Variants in GKAP1 observed in about 807,000 individuals in gnomAD.
GKAP1 encodes G kinase-anchoring protein 1.
A neutral mutation model predicts 56.7 loss-of-function variants in GKAP1; 31 were observed. That is an observed-to-expected ratio of 0.55 (90% CI 0.41 to 0.74). GKAP1 has a LOEUF of 0.74. GKAP1 is among the 30% of genes least tolerant of loss of function. The pLI is 0.00. For synonymous variants in GKAP1, 151 were observed against 138.6 expected, an observed-to-expected ratio of 1.09 and a Z score of -0.63; for missense variants, 364 against 402.3, an observed-to-expected ratio of 0.90 and a Z score of 0.82.
At chr9:83,741,655 C>T (rs1456189070) in intron 12 of GKAP1, among the ~76,000 whole-genome samples, 2 of 152,002 alleles carry the variant, frequency 1.3e-5, no homozygotes, top group South Asian at 2.1e-4. Context: ...AGTGATCAAC[C>T]TTATAAACAG....
chr9:83,756,174 T>C (rs1943471923), intron 8 of GKAP1, among the ~76,000 whole-genome samples: 1 of 151,986 alleles, frequency 6.6e-6, no homozygotes, highest in African/African-American at 2.4e-5. Context: ...AACTGAATTA[T>C]TTCATGTATA....
chr9:83,748,502 T>C, intron 9 of GKAP1, 130 bp from the exon 10 acceptor site: 1 of 525,604 alleles, frequency 1.9e-6, no homozygotes, highest in East Asian at 3.2e-5. Context: ...ACAAACAGGA[T>C]GGAGGAAAAT....
rs760560391 is a variant in GKAP1, at chr9:83,784,777, CTTTT to C, written c.496_499del (p.Lys166GlufsTer15). ...TCTGTCTTTTCCCTGATGATTCTTT[CTTTT>C]ATCTTTTTTATTCATAACTTTGGAC... On this transcript the variant is annotated frameshift_variant, in exon 6 of 13. Coordinates refer to ENST00000376371, the MANE Select transcript of GKAP1 (RefSeq NM_025211.4). LOFTEE classifies it high-confidence loss of function. 2 of 1,602,064 alleles carry C rather than the reference CTTTT, an allele frequency of 1.2e-6. No homozygotes were observed. Among genetic ancestry groups the C allele is most frequent in the African/African-American group, 1.3e-5 (1 of 74,510 alleles).
chr9:83,769,115 AAG>A, intron 7 of GKAP1, 145 bp from the exon 8 acceptor site: 1 of 594,162 alleles, frequency 1.7e-6, no homozygotes, highest in Non-Finnish European at 2.9e-6. Flanking sequence ...AATGACAGCT[AAG>A]AGACAATCAA....
intron 9 of GKAP1, among the ~76,000 whole-genome samples, chr9:83,750,806 C>G (rs1351593532): frequency 6.6e-6 from 1 of 151,986 alleles, no homozygotes; most frequent in Admixed American, 6.6e-5. Flanking sequence ...TGTCACTTAC[C>G]TTCTAAAGAT....
At chr9:83,749,109 A>C (rs1418077593) in intron 9 of GKAP1, 2 of 152,146 alleles carry the variant, frequency 1.3e-5, no homozygotes, top group Admixed American at 1.3e-4. Flanking sequence ...ACAAGTATAC[A>C]TTTATGAACA....
At chr9:83,765,012 C>A (rs1943638051) in intron 8 of GKAP1, among the ~76,000 whole-genome samples, 1 of 152,140 alleles carries the variant, frequency 6.6e-6, no homozygotes, top group South Asian at 2.1e-4. Flanking sequence ...GAAAATGTCT[C>A]CAAGGCATGT....
chr9:83,781,463 T>C (rs569165378), intron 6 of GKAP1, among the ~76,000 whole-genome samples: 1 of 152,344 alleles, frequency 6.6e-6, no homozygotes, highest in African/African-American at 2.4e-5. Context: ...AATTTTCTAT[T>C]CTCAAGGACT....
rs1943707876 is a variant in GKAP1 at position 83,768,843 on chromosome 9, T to A, written c.713A>T (p.Asn238Ile). The part of the protein sequence containing the change: ...EQLTEYNGTD[N>I]CTAHEHNQEV... ...CTGGTTGTGTTCATGAGCTGTACAA[T>A]TATCTGTTCCATTATATTCTGTAAG... is the stretch of plus-strand genomic sequence containing the variant. Residue 238 changes from asparagine to isoleucine, a missense_variant, in exon 8 of 13, where the codon AAT becomes ATT. Transcript: ENST00000376371. 1 of 1,612,406 alleles carries A rather than the reference T, an allele frequency of 6.2e-7. No individual in the cohort carries two copies. The highest frequency in any genetic ancestry group is 1.1e-5 in the South Asian group (1 of 90,978).
intron 10 of GKAP1, among the ~76,000 whole-genome samples, chr9:83,743,954 G>A (rs113423914): frequency 6.6e-5 from 10 of 152,276 alleles, no homozygotes; most frequent in African/African-American, 2.2e-4. Flanking sequence ...GGAGAGACTA[G>A]AGAGGTAAAA....
chr9:83,751,727 T>C (rs1943392901), intron 9 of GKAP1, among the ~76,000 whole-genome samples: 1 of 151,226 alleles, frequency 6.6e-6, no homozygotes, highest in South Asian at 2.1e-4. Context: ...AAAGGAATGA[T>C]ACTTGATATG....
chr9:83,747,777 C>A (rs890711792), intron 10 of GKAP1, among the ~76,000 whole-genome samples: 1 of 151,986 alleles, frequency 6.6e-6, no homozygotes, highest in African/African-American at 2.4e-5. Context: ...GCTGGGATTA[C>A]AGGTGTGCAC....
chr9:83,794,829 ATGTT>A (rs1944217391), intron 4 of GKAP1, among the ~76,000 whole-genome samples: 1 of 152,182 alleles, frequency 6.6e-6, no homozygotes, highest in Non-Finnish European at 1.5e-5. Flanking sequence ...GGTGAACAAT[ATGTT>A]TCTTGATCTT....
chr9:83,779,568 T>C (rs1471759247), intron 7 of GKAP1, among the ~76,000 whole-genome samples: 1 of 104,588 alleles, frequency 9.6e-6, no homozygotes, highest in East Asian at 3.0e-4. Context: ...TGTATATATA[T>C]ACACACATAT....
intron 5 of GKAP1, among the ~76,000 whole-genome samples, chr9:83,785,752 T>C (rs1944053494): frequency 6.6e-6 from 1 of 152,192 alleles, no homozygotes; most frequent in Non-Finnish European, 1.5e-5. Flanking sequence ...AGCTCCTCAA[T>C]CCATCTTCTA....
intron 3 of GKAP1, among the ~76,000 whole-genome samples, chr9:83,805,311 C>T (rs1443316916): frequency 6.6e-6 from 1 of 151,900 alleles, no homozygotes; most frequent in Admixed American, 6.6e-5. Flanking sequence ...TCTCAAGTAC[C>T]CAGGGACACA....
intron 3 of GKAP1, among the ~76,000 whole-genome samples, chr9:83,801,244 C>T (rs1348188034): frequency 1.3e-5 from 2 of 152,152 alleles, no homozygotes; most frequent in East Asian, 3.8e-4. Flanking sequence ...CATGGATTGA[C>T]AGCTGCCACC....
intron 8 of GKAP1, among the ~76,000 whole-genome samples, chr9:83,754,659 G>T (rs566045824): frequency 2.6e-5 from 4 of 152,172 alleles, no homozygotes; most frequent in African/African-American, 9.7e-5. Context: ...AACCAGTATG[G>T]TAAGATAGTG....
intron 4 of GKAP1, among the ~76,000 whole-genome samples, chr9:83,790,795 G>C (rs1363430016): frequency 1.3e-5 from 2 of 152,032 alleles, no homozygotes; most frequent in Non-Finnish European, 2.9e-5. Context: ...CTAGATGACA[G>C]AGTGGGACTC....
Sources: gnomAD v4.1 joint callset for allele counts (sites outside exome capture counted in the v4.1 genomes callset) on GRCh38, gnomAD v4.1.1 for gene constraint, MANE v1.5 for transcripts, NCBI Gene and HGNC (gene_info 2026-07-23, HGNC 2026-07-21) for gene names.